The following PDE5A variants were observed in gnomAD, a reference collection of about 807,000 sequenced individuals.
The protein encoded by PDE5A is phosphodiesterase 5A.
PDE5A carries 67 observed loss-of-function variants against 110.2 expected under a neutral mutation model. That is an observed-to-expected ratio of 0.61 (90% CI 0.50 to 0.75). The LOEUF (loss-of-function observed/expected upper bound fraction) is 0.75. Ranked by LOEUF, PDE5A falls within the 30% of genes least tolerant of loss-of-function variation. The pLI is 0.00. For missense variants in PDE5A, 862 were observed against 1,045.1 expected (o/e 0.82, Z 2.42); for synonymous variants, 328 against 351.2 (o/e 0.93, Z 0.74).
chr4:119,600,725 A>G (rs1729316446), intron 2 of PDE5A, among the ~76,000 whole-genome samples: 1 of 152,218 alleles, frequency 6.6e-6, no homozygotes, highest in South Asian at 2.1e-4. Flanking sequence ...TGCATGAATG[A>G]AGGAGAAGGC....
In PDE5A at chr4:119,502,764, A is replaced by G. The variant is rs191338182; in HGVS notation, c.2332-109T>C. The G allele has an allele frequency of 5.7e-4, 390 of 689,030 alleles. 2 individuals carry two copies. In the East Asian group the frequency reaches 8.2e-3, roughly 15 times the overall value. 42.7% of individuals were successfully genotyped at this position (689,030 alleles called of 1,614,324 possible). A position where few individuals can be genotyped will look rare whatever the true frequency, so the allele number is the denominator to read the frequency against. On this transcript the variant is annotated intron_variant, in intron 18 of 20. Transcript: ENST00000354960. ...GAGCTGTATATCTCCATTTTATAGC[A>G]AATAAGCAGCAGCTTGATACCCGAA...
In PDE5A at chr4:119,592,319, G is replaced by A. The variant is rs565123461; in HGVS notation, c.831+4204C>T. Among the ~76,000 whole-genome samples, 16 of 150,978 alleles carry A rather than the reference G, an allele frequency of 1.1e-4. No homozygotes were observed. The South Asian group carries it at 1.7e-3, about 16-fold the overall frequency. On this transcript the variant is annotated intron_variant, in intron 3 of 20. Transcript: ENST00000354960. ...AAATACAAAAAGAAATTAGCCGGGC[G>A]TGGTGGCGGGCGCCTGTAGTTCCAG...
intron 6 of PDE5A, among the ~76,000 whole-genome samples, chr4:119,561,247 C>G (rs1050669385): frequency 1.4e-4 from 22 of 152,078 alleles, no homozygotes; most frequent in African/African-American, 5.1e-4. Context: ...ATAGTTTAAT[C>G]TGGGGATGGA....
chr4:119,622,298 A>T (rs1730178019), intron 1 of PDE5A, among the ~76,000 whole-genome samples: 2 of 152,202 alleles, frequency 1.3e-5, no homozygotes, highest in Non-Finnish European at 2.9e-5. Flanking sequence ...CTCTCTTTGT[A>T]TATTTTCAGT....
At chr4:119,553,529 T>C in intron 8 of PDE5A, 109 bp downstream of exon 8, 1 of 726,166 alleles carries the variant, frequency 1.4e-6, no homozygotes, top group East Asian at 2.5e-5. Context: ...CACAGATCAT[T>C]CCTAAACAGT....
intron 14 of PDE5A, among the ~76,000 whole-genome samples, chr4:119,514,550 A>C (rs926421306): frequency 2.1e-5 from 3 of 143,982 alleles, no homozygotes; most frequent in Admixed American, 1.4e-4. Flanking sequence ...ATGATGATTC[A>C]TTTCACCTTT....
chr4:119,628,083 G>T, intron 1 of PDE5A: 2 of 967,960 alleles, frequency 2.1e-6, no homozygotes, highest in Non-Finnish European at 1.2e-6. Context: ...GCCAGGGCGA[G>T]GGGGGACGGG....
chr4:119,525,767 T>G lies in PDE5A; in HGVS notation c.1633-72A>C, dbSNP rs61562668. 1,780 of 1,470,802 alleles carry G rather than the reference T, an allele frequency of 1.2e-3. 24 individuals are homozygous for G. In the African/African-American group the frequency reaches 0.02, roughly 17 times the overall value. 91.1% of individuals were successfully genotyped at this position (1,470,802 alleles called of 1,614,324 possible). A position where few individuals can be genotyped will look rare whatever the true frequency, so the allele number is the denominator to read the frequency against. On this transcript the variant is annotated intron_variant, in intron 11 of 20. Coordinates refer to ENST00000354960, the MANE Select transcript of PDE5A (RefSeq NM_001083.4). The surrounding 1 kb of genome is among the most constrained non-coding windows in gnomAD (Gnocchi z 4.3). ...GCAGTGATTTGCAAGGTTTTCTTGT[T>G]TTGCTGCAGAGAAATAGCATATTGT...
intron 2 of PDE5A, among the ~76,000 whole-genome samples, chr4:119,601,453 G>A (rs116150552): frequency 0.049 from 6,928 of 140,552 alleles, 190 homozygotes; most frequent in Middle Eastern, 0.076. Flanking sequence ...CCCACCCCCC[G>A]CCACCTCCCA....
rs951038625 is a variant in PDE5A at position 119,498,304 on chromosome 4, G to A, written c.*297C>T. 3 of 243,648 alleles carry A rather than the reference G, an allele frequency of 1.2e-5. No individual in the cohort carries two copies. Among genetic ancestry groups the A allele is most frequent in the Non-Finnish European group, 2.4e-5 (3 of 127,584 alleles). The allele number at this position is 243,648 out of a possible 1,614,324, so 15.1% of individuals were successfully genotyped here. On this transcript the variant is annotated 3_prime_UTR_variant, in exon 21 of 21. Coordinates refer to ENST00000354960, the MANE Select transcript of PDE5A (RefSeq NM_001083.4). ...CCCAAGCAAAAAAACCTCAGTGCAA[G>A]AATACTGCATACACTTTGCAGTACA...
At chr4:119,529,115 AT>A (rs139998777) in intron 11 of PDE5A, among the ~76,000 whole-genome samples, 3,587 of 145,262 alleles carry the variant, frequency 0.025, 63 homozygotes, top group Middle Eastern at 0.056. Context: ...TGAAATTGTC[AT>A]TTTTTTTTTT....
chr4:119,503,119 G>T (rs892999803), intron 18 of PDE5A, among the ~76,000 whole-genome samples: 2 of 152,264 alleles, frequency 1.3e-5, no homozygotes, highest in South Asian at 4.1e-4. Context: ...GGCACATGGA[G>T]AATGAGTTTT....
At chr4:119,620,501 A>G (rs981660049) in intron 1 of PDE5A, among the ~76,000 whole-genome samples, 1 of 152,234 alleles carries the variant, frequency 6.6e-6, no homozygotes, top group Non-Finnish European at 1.5e-5. Flanking sequence ...AAAGAAAACA[A>G]TAACTCAAAT....
Position 119,521,028 on chromosome 4 carries a change from C to T in PDE5A, c.1812G>A (p.Lys604=). The part of the protein sequence containing the change: ...VLCRWILSVK[K]NYRKNVAYHN... ...GATAGGCAACATTCTTCCGATAATT[C>T]TTCTTAACACTTAAAATCCATCTGC... The change falls in exon 13 of 21, where the codon AAG becomes AAA. Residue 604 remains lysine (K), a synonymous_variant. Transcript: ENST00000354960. 1 of 1,612,604 alleles carries T rather than the reference C, an allele frequency of 6.2e-7. No individual in the cohort carries two copies. The highest frequency in any genetic ancestry group is 8.5e-7 in the Non-Finnish European group (1 of 1,178,914).
At chr4:119,589,164 AATT>A in intron 3 of PDE5A, among the ~76,000 whole-genome samples, 1 of 152,144 alleles carries the variant, frequency 6.6e-6, no homozygotes, top group Admixed American at 6.5e-5. Context: ...GAATTCAGAG[AATT>A]CAGAGAAATT....
At chr4:119,589,715 T>C (rs1268844503) in intron 3 of PDE5A, among the ~76,000 whole-genome samples, 1 of 152,168 alleles carries the variant, frequency 6.6e-6, no homozygotes, top group African/African-American at 2.4e-5. Flanking sequence ...CTTTTATCTC[T>C]GGTAAAAATT....
chr4:119,608,688 A>G (rs1452162741), intron 1 of PDE5A, among the ~76,000 whole-genome samples: 6 of 152,182 alleles, frequency 3.9e-5, no homozygotes, highest in African/African-American at 1.4e-4. Context: ...AAGTTGCTAT[A>G]ACTGAGGATA....
intron 10 of PDE5A, among the ~76,000 whole-genome samples, chr4:119,540,691 A>G (rs543269943): frequency 6.6e-6 from 1 of 152,334 alleles, no homozygotes; most frequent in South Asian, 2.1e-4. Flanking sequence ...TTAGAATACA[A>G]TTGAAACATC....
intron 4 of PDE5A, among the ~76,000 whole-genome samples, chr4:119,565,979 ATAAT>A (rs1465436638): frequency 6.7e-6 from 1 of 148,254 alleles, no homozygotes; most frequent in Non-Finnish European, 1.5e-5. Flanking sequence ...ATAATTAATA[ATAAT>A]TAATAGTATT....
Sources: allele counts gnomAD v4.1 joint callset (sites outside exome capture counted in the v4.1 genomes callset), GRCh38; gene constraint gnomAD v4.1.1; non-coding constraint Gnocchi (gnomAD v3.1); transcripts MANE v1.5; gene names NCBI Gene and HGNC (gene_info 2026-07-23, HGNC 2026-07-21).